Variants in ARHGEF9 observed in about 807,000 individuals in gnomAD.
ARHGEF9 encodes the protein Cdc42 guanine nucleotide exchange factor 9.
ARHGEF9 carries 2 observed loss-of-function variants against 41.3 expected under a neutral mutation model. The observed-to-expected ratio is 0.05, with a 90% CI of 0.02 to 0.15. The LOEUF is 0.15. Among genes scored for constraint, ARHGEF9 ranks in the 10% least tolerant of loss-of-function variants. The pLI, the probability that ARHGEF9 is intolerant of heterozygous loss-of-function variation, is 1.00. For synonymous variants in ARHGEF9, 160 were observed against 154.4 expected, an observed-to-expected ratio of 1.04 and a Z score of -0.27; for missense variants, 225 against 424.7, an observed-to-expected ratio of 0.53 and a Z score of 4.13.
chrX:63,692,706 T>G (rs2051432068), intron 4 of ARHGEF9, among the ~76,000 whole-genome samples: 1 of 111,742 alleles, frequency 8.9e-6, no homozygotes, highest in Non-Finnish European at 1.9e-5. Flanking sequence ...GGGTATATAT[T>G]GTATATAGCC....
chrX:63,674,702 G>A (rs1410052162), intron 5 of ARHGEF9, among the ~76,000 whole-genome samples: 1 of 111,606 alleles, frequency 9.0e-6, no homozygotes, highest in African/African-American at 3.3e-5. Context: ...TGCACCTGAA[G>A]GAAAAGGAAT....
At chrX:63,769,036 G>C (rs2056159419) in intron 1 of ARHGEF9, among the ~76,000 whole-genome samples, 1 of 112,038 alleles carries the variant, frequency 8.9e-6, no homozygotes, top group African/African-American at 3.2e-5. Flanking sequence ...CTGGGTAACA[G>C]GCAGAGGTTG....
At chrX:63,769,612 A>C (rs868919578) in intron 1 of ARHGEF9, among the ~76,000 whole-genome samples, 1 of 111,259 alleles carries the variant, frequency 9.0e-6, no homozygotes, top group African/African-American at 3.3e-5. Flanking sequence ...AGGAGGAAAA[A>C]ATTGTTTCTT....
intron 4 of ARHGEF9, among the ~76,000 whole-genome samples, chrX:63,680,866 A>AAAC (rs781835684): frequency 0.013 from 1,381 of 110,415 alleles, 23 homozygotes; most frequent in African/African-American, 0.039. Context: ...ACAAACAAAC[A>AAAC]AACAACAACA....
chrX:63,646,018 A>T lies in ARHGEF9; in HGVS notation c.1322-1970T>A, dbSNP rs1159272917. On this transcript the variant is annotated intron_variant, in intron 8 of 9. Coordinates refer to ENST00000671741, the MANE Select transcript of ARHGEF9 (RefSeq NM_001353921.2). ...TTTTTCATGTGTCTTTTGGCTGCAT[A>T]AATGTCTTCTTTTGAGAAGTGTCTG... is the stretch of plus-strand genomic sequence containing the variant. Among the ~76,000 whole-genome samples the T allele has an allele frequency of 3.6e-5, 4 of 111,868 alleles. No individual in the cohort carries two copies. The East Asian group carries it at 8.4e-4, about 24-fold the overall frequency.
At chrX:63,646,661 C>T (rs1208664836) in intron 8 of ARHGEF9, among the ~76,000 whole-genome samples, 3 of 111,840 alleles carry the variant, frequency 2.7e-5, no homozygotes, top group Non-Finnish European at 1.9e-5. Flanking sequence ...AGTCAGGTAG[C>T]GTGATAGCTC....
At chrX:63,645,647 G>C (rs2047991423) in intron 8 of ARHGEF9, among the ~76,000 whole-genome samples, 1 of 111,831 alleles carries the variant, frequency 8.9e-6, no homozygotes, top group South Asian at 3.8e-4. Flanking sequence ...ATTTGGGTTG[G>C]TTCCAAGTCT....
chrX:63,783,360 C>A (rs2056412294), intron 1 of ARHGEF9, among the ~76,000 whole-genome samples: 1 of 108,631 alleles, frequency 9.2e-6, no homozygotes, highest in Admixed American at 9.8e-5. Flanking sequence ...CCGCAACCTC[C>A]CCCTCCTGGG....
rs1358432171 is a variant in ARHGEF9 at position 63,636,789 on chromosome X, C to A, written c.*1239G>T. ...ATCTCTTTCCATTCCCATCCCTGTT[C>A]TTTCTTGTAAAAGGTTACTATCAGA... On this transcript the variant is annotated 3_prime_UTR_variant, in exon 10 of 10. Transcript: ENST00000671741. 3.4e-6 allele frequency: 1 copy of A among 295,367 alleles called. No homozygotes were observed. Among genetic ancestry groups the A allele is most frequent in the Non-Finnish European group, 5.9e-6 (1 of 169,775 alleles). 24.3% of individuals were successfully genotyped at this position (295,367 alleles called of 1,213,427 possible).
chrX:63,647,666 C>T (rs2048209689), intron 8 of ARHGEF9, among the ~76,000 whole-genome samples: 1 of 111,499 alleles, frequency 9.0e-6, no homozygotes, highest in South Asian at 3.8e-4. Flanking sequence ...CATCAATGTT[C>T]ATCAGGGATA....
At chrX:63,769,148 T>C (rs1370304539) in intron 1 of ARHGEF9, among the ~76,000 whole-genome samples, 1 of 112,117 alleles carries the variant, frequency 8.9e-6, no homozygotes, top group Non-Finnish European at 1.9e-5. Context: ...AATAGCAATA[T>C]GAACAATAAA....
At chrX:63,717,941 G>A (rs2053412166) in intron 2 of ARHGEF9, among the ~76,000 whole-genome samples, 1 of 111,955 alleles carries the variant, frequency 8.9e-6, no homozygotes, top group South Asian at 3.7e-4. Flanking sequence ...CTTCCCATGA[G>A]TAGAAGCTCC....
chrX:63,666,879 C>T (rs554598521), intron 6 of ARHGEF9, among the ~76,000 whole-genome samples: 2 of 111,795 alleles, frequency 1.8e-5, no homozygotes, highest in Admixed American at 1.9e-4. Context: ...ACAGAGTTTC[C>T]AAGTCCTACT....
At chrX:63,682,096 C>A (rs1277636234) in intron 4 of ARHGEF9, among the ~76,000 whole-genome samples, 1 of 107,377 alleles carries the variant, frequency 9.3e-6, no homozygotes, top group Non-Finnish European at 1.9e-5. Context: ...TACCAAATAC[C>A]CAGATAAGAA....
At position 63,697,218 on chromosome X, in the gene ARHGEF9, G is replaced by A; in HGVS notation, c.489C>T (p.Tyr163=). 8.3e-7 allele frequency: 1 copy of A among 1,210,584 alleles called. No homozygotes were observed. The highest frequency in any genetic ancestry group is 3.0e-5 in the East Asian group (1 of 33,787). The change falls in exon 4 of 10, where the codon TAC becomes TAT. Residue 163 remains tyrosine (Y), a synonymous_variant. Transcript: ENST00000671741. ...KVIFGNIEDI[Y]RFQMGFVRDL... ...CTCTCACAAAGCCCATCTGAAATCT[G>A]TAGATATCTTCAATGTTCCCAAAGA... is the stretch of plus-strand genomic sequence containing the variant.
At chrX:63,673,957 C>G in intron 6 of ARHGEF9, 81 bp downstream of exon 6, 1 of 1,131,432 alleles carries the variant, frequency 8.8e-7, no homozygotes, top group Non-Finnish European at 1.2e-6. Context: ...TGTAATTTCT[C>G]TTCACCTGTC....
chrX:63,736,607 G>C (rs1315971571), intron 1 of ARHGEF9, among the ~76,000 whole-genome samples: 3 of 112,028 alleles, frequency 2.7e-5, no homozygotes, highest in African/African-American at 9.8e-5. Flanking sequence ...TAGCAGCAGA[G>C]CTGCCAAGAT....
chrX:63,696,645 G>A (rs1301515376), intron 4 of ARHGEF9, among the ~76,000 whole-genome samples: 2 of 111,759 alleles, frequency 1.8e-5, no homozygotes, highest in Non-Finnish European at 3.8e-5. Flanking sequence ...TCTGTGCAGT[G>A]AATATTTTGA....
At chrX:63,784,796 C>T (rs1219401170) in intron 1 of ARHGEF9, among the ~76,000 whole-genome samples, 5 of 111,419 alleles carry the variant, frequency 4.5e-5, no homozygotes, top group African/African-American at 1.6e-4. Flanking sequence ...AGCCCTCTGC[C>T]ATCCCCCTTC....
Sources: allele counts gnomAD v4.1 joint callset (sites outside exome capture counted in the v4.1 genomes callset), GRCh38; gene constraint gnomAD v4.1.1; transcripts MANE v1.5; gene names NCBI Gene and HGNC (gene_info 2026-07-23, HGNC 2026-07-21).